CELF1: variants seen among roughly 807,000 people sequenced by gnomAD.
CELF1 encodes the protein CUGBP Elav-like family member 1, also known as 50 kDa nuclear polyadenylated RNA-binding protein.
A neutral mutation model predicts 61.8 loss-of-function variants in CELF1; 10 were observed. That is an observed-to-expected ratio of 0.16 (90% confidence interval 0.10 to 0.27). The LOEUF (loss-of-function observed/expected upper bound fraction) is 0.27, where lower values mean the gene tolerates loss of function less well. Ranked by LOEUF, CELF1 falls within the 10% of genes least tolerant of loss-of-function variation. The pLI, the probability that CELF1 is intolerant of heterozygous loss-of-function variation, is 1.00. For synonymous variants in CELF1, 236 were observed against 225.1 expected, an observed-to-expected ratio of 1.05 and a Z score of -0.43; for missense variants, 380 against 639.1, an observed-to-expected ratio of 0.59 and a Z score of 4.37.
At chr11:47,565,462 C>T (rs1442978791) in exon 1 of CELF1, 27 of 606,752 alleles carry the variant, frequency 4.4e-5, no homozygotes, top group African/African-American at 1.9e-5. Context: ...TCCAGAGTCC[C>T]GCCAGTCCCC....
Position 47,539,951 on chromosome 11 carries a change from A to G in CELF1, c.-154+13041T>C, listed in dbSNP as rs2096733488. On this transcript the variant is annotated intron_variant, in intron 1 of 14. Transcript: ENST00000687097. Reference sequence around the variant, plus strand: ...CTGAGTTCTCTGAATGTAGGTGACTATTTGTATCTTAAAGACTTGAATCTC... The same window carrying G: ...CTGAGTTCTCTGAATGTAGGTGACTGTTTGTATCTTAAAGACTTGAATCTC... 2.0e-5 allele frequency among the ~76,000 whole-genome samples: 3 copies of G among 152,318 alleles called. No homozygotes were observed. In the South Asian group the frequency reaches 6.2e-4, roughly 32 times the overall value.
chr11:47,477,343 A>G lies in CELF1; in HGVS notation c.927T>C (p.Asn309=). The G allele has an allele frequency of 1.9e-6, 3 of 1,614,112 alleles. No homozygotes were observed. Among genetic ancestry groups the G allele is most frequent in the Non-Finnish European group, 2.5e-6 (3 of 1,179,982 alleles). The change falls in exon 11 of 15, where the codon AAT becomes AAC. Residue 309 remains asparagine, a synonymous_variant. Transcript: ENST00000687097. ...SAAQNTPSGT[N]ALTTSSSPLS... The stretch of plus-strand genomic sequence containing the variant: ...GGGGACTGCTGGATGTAGTGAGAGC[A>G]TTGGTACCACTTGGTGTGTTCTGAG...
intron 6 of CELF1, among the ~76,000 whole-genome samples, chr11:47,485,368 C>T (rs749833262): frequency 8.5e-5 from 13 of 152,142 alleles, no homozygotes; most frequent in South Asian, 6.2e-4. Context: ...AGAGGTTTCA[C>T]TCTTATTGCC....
At chr11:47,519,857 C>T (rs542735066) in intron 1 of CELF1, among the ~76,000 whole-genome samples, 1 of 149,460 alleles carries the variant, frequency 6.7e-6, no homozygotes, top group South Asian at 2.1e-4. Context: ...AGCCAGACTC[C>T]GTCTCAAAAA....
At chr11:47,545,916 T>TATA (rs1491312774) in intron 1 of CELF1, among the ~76,000 whole-genome samples, 121 of 74,152 alleles carry the variant, frequency 1.6e-3, no homozygotes, top group African/African-American at 8.1e-3. Context: ...TATATATATA[T>TATA]TTTTTTTTTT....
intron 1 of CELF1, among the ~76,000 whole-genome samples, chr11:47,539,399 C>A (rs929136763): frequency 9.2e-5 from 14 of 152,138 alleles, no homozygotes; most frequent in Non-Finnish European, 1.6e-4. Flanking sequence ...AGCCTGTAAT[C>A]CCGGCACTTT....
At chr11:47,483,598 C>A in intron 7 of CELF1, 66 bp from the exon 8 acceptor site, 24 of 1,135,790 alleles carry the variant, frequency 2.1e-5, no homozygotes, top group Non-Finnish European at 3.1e-5. Flanking sequence ...AACTGAGCAC[C>A]TACTATGTGC....
chr11:47,502,075 T>C (rs10769273), intron 1 of CELF1, among the ~76,000 whole-genome samples: 151,719 of 152,292 alleles, frequency 1, 75,575 homozygotes, highest in East Asian at 1. Context: ...CTGGGAAATA[T>C]GATTTAGAGT....
chr11:47,501,932 G>GT (rs2093958131), intron 1 of CELF1, among the ~76,000 whole-genome samples: 1 of 152,146 alleles, frequency 6.6e-6, no homozygotes, highest in African/African-American at 2.4e-5. Flanking sequence ...AAATCTAATT[G>GT]TATCTCTAGT....
intron 3 of CELF1, among the ~76,000 whole-genome samples, chr11:47,489,951 T>TTTTTTTTTTTTTC (rs2090465406): frequency 7.5e-6 from 1 of 133,950 alleles, no homozygotes; most frequent in South Asian, 2.5e-4. Context: ...TTTTTTTTTT[T>TTTTTTTTTTTTTC]TTTTGAGACG....
intron 1 of CELF1, among the ~76,000 whole-genome samples, chr11:47,527,165 A>G (rs963608860): frequency 5.4e-4 from 82 of 152,260 alleles, no homozygotes; most frequent in African/African-American, 1.8e-3. Flanking sequence ...ACAGACATGC[A>G]AGTATTCAAC....
chr11:47,482,198 C>G (rs747470914), intron 9 of CELF1, among the ~76,000 whole-genome samples: 1 of 148,880 alleles, frequency 6.7e-6, no homozygotes, highest in Non-Finnish European at 1.5e-5. Flanking sequence ...GAGTGAGACT[C>G]CGTCTCAAAA....
At chr11:47,487,045 C>A in intron 5 of CELF1, 114 bp downstream of exon 5, 1 of 844,744 alleles carries the variant, frequency 1.2e-6, no homozygotes, top group South Asian at 1.5e-5. Flanking sequence ...TACATCAATT[C>A]CTGCAGCAGT....
At chr11:47,520,873 A>G (rs1458209732) in intron 1 of CELF1, among the ~76,000 whole-genome samples, 1 of 152,122 alleles carries the variant, frequency 6.6e-6, no homozygotes, top group African/African-American at 2.4e-5. Context: ...TTCAGTAAAT[A>G]GTCTGGTACT....
chr11:47,543,607 A>G (rs916236452), intron 1 of CELF1, among the ~76,000 whole-genome samples: 5 of 152,182 alleles, frequency 3.3e-5, no homozygotes, highest in African/African-American at 1.2e-4. Flanking sequence ...AGGTCTCATC[A>G]AGGAAACTGT....
chr11:47,543,752 C>T (rs997136647), intron 1 of CELF1, among the ~76,000 whole-genome samples: 2 of 144,516 alleles, frequency 1.4e-5, no homozygotes, highest in Non-Finnish European at 1.5e-5. Flanking sequence ...CCTGTCCCCA[C>T]CCCGTCTCTA....
chr11:47,476,849 C>A lies in CELF1; in HGVS notation c.1084G>T (p.Ala362Ser), dbSNP rs1206762565. 1.2e-6 allele frequency: 2 copies of A among 1,612,748 alleles called. No homozygotes were observed. The highest frequency in any genetic ancestry group is 1.7e-6 in the Non-Finnish European group (2 of 1,178,778). ...ACAGCCAGGTGCTGCCCCTTACCTG[C>A]CAAAGAGCCAACATTGAGGCCAGCC... ...ATAGLNVGSL[A>S]GMAALNGGLG... The change falls in exon 12 of 15, where the codon GCA (alanine) becomes TCA (serine). Residue 362 changes from alanine (A) to serine (S), a missense_variant. Transcript: ENST00000687097.
At position 47,484,501 on chromosome 11, in the gene CELF1, A is replaced by G; in HGVS notation, c.414T>C (p.Phe138=). The change falls in exon 7 of 15, where the codon TTT becomes TTC. Residue 138 remains phenylalanine, a synonymous_variant. Coordinates refer to ENST00000687097, the MANE Select transcript of CELF1 (RefSeq NM_001376376.1). ...TGCACTTCTTGGAAATCATACCAATAAACAGCTTCCTGTCTTCCACTGCTA... is the reference window on the plus strand; with the variant it reads ...TGCACTTCTTGGAAATCATACCAATGAACAGCTTCCTGTCTTCCACTGCTA... ...KNNAVEDRKL[F]IGMISKKCTE... 2.5e-6 allele frequency: 4 copies of G among 1,612,396 alleles called. No homozygotes were observed. Among genetic ancestry groups the G allele is most frequent in the Non-Finnish European group, 3.4e-6 (4 of 1,179,480 alleles).
intron 1 of CELF1, among the ~76,000 whole-genome samples, chr11:47,547,090 A>AAAAAAAAG (rs2096978675): frequency 2.7e-5 from 4 of 145,538 alleles, no homozygotes; most frequent in Non-Finnish European, 4.6e-5. Context: ...AAAAAAAAAA[A>AAAAAAAAG]AAAGAAAGAA....
Sources: gnomAD v4.1 joint callset for allele counts (sites outside exome capture counted in the v4.1 genomes callset) on GRCh38, gnomAD v4.1.1 for gene constraint, MANE v1.5 for transcripts, NCBI Gene and HGNC (gene_info 2026-07-23, HGNC 2026-07-21) for gene names.